The following BEND7 variants were observed in gnomAD, a reference collection of about 807,000 sequenced individuals.
BEND7 encodes the protein BEN domain containing 7, also known as BEN domain-containing protein 7.
BEND7 carries 28 observed loss-of-function variants against 50.9 expected under a neutral mutation model. The observed-to-expected ratio is 0.55, with a 90% confidence interval of 0.41 to 0.75. BEND7 has a LOEUF of 0.75. BEND7 is among the 30% of genes least tolerant of loss of function. BEND7 has a pLI of 0.00. For synonymous variants in BEND7, 170 were observed against 183.9 expected, an observed-to-expected ratio of 0.92 and a Z score of 0.61; for missense variants, 477 against 491.3, an observed-to-expected ratio of 0.97 and a Z score of 0.28.
At chr10:13,474,404 T>C (rs1398524701) in intron 6 of BEND7, among the ~76,000 whole-genome samples, 1 of 151,948 alleles carries the variant, frequency 6.6e-6, no homozygotes, top group Non-Finnish European at 1.5e-5. Context: ...TCGGGGCTGA[T>C]ATCTGTCATG....
At chr10:13,502,828 G>T in intron 2 of BEND7, 1 of 882,926 alleles carries the variant, frequency 1.1e-6, no homozygotes, top group Non-Finnish European at 1.4e-6. Flanking sequence ...GAACAGAGCA[G>T]CCATAGCCAG....
chr10:13,500,075 C>G lies in BEND7; in HGVS notation c.151G>C (p.Glu51Gln), dbSNP rs1307190918. The stretch of plus-strand genomic sequence containing the variant: ...ATTTGCTTTTTTATTTCCATGCTTT[C>G]ATCTCCTAATGGAAACAGGGCCAAA... ...KETQPIFLGDESMEIKKQITG... is the reference protein window; with the variant it reads ...KETQPIFLGDQSMEIKKQITG... The change falls in exon 3 of 9, where the codon GAA becomes CAA. Residue 51 changes from glutamate (E) to glutamine (Q), a missense_variant. By Grantham distance (29) the Glu-to-Gln change is conservative. Coordinates refer to ENST00000466271, the MANE Select transcript of BEND7 (RefSeq NM_001369863.1). 5.0e-6 allele frequency: 8 copies of G among 1,590,380 alleles called. No homozygotes were observed. The highest frequency in any genetic ancestry group is 6.9e-6 in the Non-Finnish European group (8 of 1,162,930).
chr10:13,499,487 T>C (rs937207381), intron 3 of BEND7, among the ~76,000 whole-genome samples: 9 of 152,242 alleles, frequency 5.9e-5, no homozygotes, highest in African/African-American at 2.2e-4. Context: ...TTTGTGACAA[T>C]AATATCCATA....
chr10:13,441,574 T>A lies in BEND7; in HGVS notation c.*169A>T. The stretch of plus-strand genomic sequence containing the variant: ...TCTCTTAACAGACCACAGTTGGAAG[T>A]TAGCGTTTCTGCCTTGACCAGCAAC... On this transcript the variant is annotated 3_prime_UTR_variant, in exon 9 of 9. Transcript: ENST00000466271. The A allele has an allele frequency of 6.9e-7, 1 of 1,455,070 alleles. No individual in the cohort carries two copies. Among genetic ancestry groups the A allele is most frequent in the Non-Finnish European group, 9.1e-7 (1 of 1,103,794 alleles). The allele number at this position is 1,455,070 out of a possible 1,614,324, so 90.1% of individuals were successfully genotyped here.
chr10:13,481,693 T>C (rs920354995), intron 5 of BEND7, among the ~76,000 whole-genome samples: 2 of 152,168 alleles, frequency 1.3e-5, no homozygotes, highest in Non-Finnish European at 2.9e-5. Context: ...TAAACTAATA[T>C]GTAAAATAAG....
At chr10:13,493,770 T>C (rs1003086984) in intron 4 of BEND7, among the ~76,000 whole-genome samples, 5 of 152,330 alleles carry the variant, frequency 3.3e-5, no homozygotes, top group South Asian at 4.1e-4. Context: ...GAAAGTGTAA[T>C]TGGAAAACAT....
intron 6 of BEND7, among the ~76,000 whole-genome samples, chr10:13,456,184 G>A (rs1235282331): frequency 1.3e-5 from 2 of 152,152 alleles, no homozygotes; most frequent in Admixed American, 6.5e-5. Context: ...AGGCTCATGG[G>A]CTTGGAGCTA....
intron 5 of BEND7, among the ~76,000 whole-genome samples, chr10:13,485,458 G>C (rs1231037586): frequency 1.3e-5 from 2 of 152,156 alleles, no homozygotes; most frequent in Non-Finnish European, 2.9e-5. Flanking sequence ...ATGCTGGTGG[G>C]GATTTGGGGG....
intron 6 of BEND7, among the ~76,000 whole-genome samples, chr10:13,478,168 C>CA (rs1272476471): frequency 6.6e-6 from 1 of 152,150 alleles, no homozygotes; most frequent in Non-Finnish European, 1.5e-5. Context: ...CAGCCCGTGA[C>CA]AAAATCTCTC....
chr10:13,439,431 C>T, downstream of BEND7: 10 of 1,614,008 alleles, frequency 6.2e-6, no homozygotes, highest in East Asian at 2.2e-5. Context: ...CTGAGGTGAG[C>T]TCTGCAAGAC....
chr10:13,517,894 G>A lies in BEND7; in HGVS notation c.145+8244C>T, dbSNP rs541732655. ...GCTCCCCTGCTACTGCTGAGGCACT[G>A]CTGTCCAGGTCACTTTCTCTCCGAT... On this transcript the variant is annotated intron_variant, in intron 2 of 8. Transcript: ENST00000466271. Among the ~76,000 whole-genome samples, 7 of 152,348 alleles carry A rather than the reference G, an allele frequency of 4.6e-5. No homozygotes were observed. In the South Asian group the frequency reaches 1.2e-3, roughly 27 times the overall value.
chr10:13,466,389 G>C lies in BEND7; in HGVS notation c.1064-13731C>G, dbSNP rs557270872. 2.6e-5 allele frequency among the ~76,000 whole-genome samples: 4 copies of C among 152,166 alleles called. No homozygotes were observed. The East Asian group carries it at 7.7e-4, about 29-fold the overall frequency. ...AGCCTGGCCAACATGCCGAAACCCTGTCTCTATTAGAAATTCAAAATTAGC... is the reference window on the plus strand; with the variant it reads ...AGCCTGGCCAACATGCCGAAACCCTCTCTCTATTAGAAATTCAAAATTAGC... On this transcript the variant is annotated intron_variant, in intron 6 of 8. Coordinates refer to ENST00000466271, the MANE Select transcript of BEND7 (RefSeq NM_001369863.1).
intron 2 of BEND7, among the ~76,000 whole-genome samples, chr10:13,524,161 C>A (rs2079270295): frequency 1.3e-5 from 2 of 152,196 alleles, no homozygotes; most frequent in Non-Finnish European, 1.5e-5. Context: ...CCTTACAATT[C>A]ACTTCCTTCG....
chr10:13,521,728 G>C (rs574349403), intron 2 of BEND7, among the ~76,000 whole-genome samples: 1 of 152,188 alleles, frequency 6.6e-6, no homozygotes, highest in Non-Finnish European at 1.5e-5. Flanking sequence ...TCTTGGAAGT[G>C]GGGCTCAGCT....
chr10:13,479,112 T>C (rs954307422), intron 6 of BEND7, among the ~76,000 whole-genome samples: 1 of 151,988 alleles, frequency 6.6e-6, no homozygotes, highest in Non-Finnish European at 1.5e-5. Flanking sequence ...GTTCAAGTGA[T>C]TCTCCTGCCT....
chr10:13,513,681 C>T (rs1177765459), intron 2 of BEND7, among the ~76,000 whole-genome samples: 2 of 152,208 alleles, frequency 1.3e-5, no homozygotes, highest in Non-Finnish European at 1.5e-5. Context: ...AGGATTGCTC[C>T]CCTCCCATTC....
At chr10:13,465,881 T>C (rs983700459) in intron 6 of BEND7, among the ~76,000 whole-genome samples, 6 of 72,498 alleles carry the variant, frequency 8.3e-5, no homozygotes, top group Non-Finnish European at 1.5e-4. Context: ...TCTCTCTCTC[T>C]CTCGTGTGTG....
chr10:13,492,454 A>G (rs1423306195), intron 5 of BEND7, among the ~76,000 whole-genome samples, 157 bp downstream of exon 5: 1 of 152,254 alleles, frequency 6.6e-6, no homozygotes, highest in Non-Finnish European at 1.5e-5. Context: ...TCAGAAAAGA[A>G]AACTCCAGAC....
chr10:13,498,002 C>T (rs1312350100), intron 3 of BEND7, among the ~76,000 whole-genome samples: 1 of 150,642 alleles, frequency 6.6e-6, no homozygotes, highest in Non-Finnish European at 1.5e-5. Context: ...AATGTTACAA[C>T]TTTAAAATTA....
Sources: gnomAD v4.1 joint callset for allele counts (sites outside exome capture counted in the v4.1 genomes callset) on GRCh38, gnomAD v4.1.1 for gene constraint, MANE v1.5 for transcripts, NCBI Gene and HGNC (gene_info 2026-07-23, HGNC 2026-07-21) for gene names.